Variants in CCDC148 observed in about 807,000 individuals in gnomAD.
The protein encoded by CCDC148 is coiled-coil domain-containing protein 148.
CCDC148 carries 89 observed loss-of-function variants against 85.7 expected under a neutral mutation model. That is an observed-to-expected ratio of 1.04 (90% CI 0.87 to 1.24). The LOEUF (loss-of-function observed/expected upper bound fraction) is 1.24. Among genes scored for constraint, CCDC148 ranks in the 50% most tolerant of loss-of-function variants. The probability of loss-of-function intolerance (pLI) is 0.00; values close to 1 mark genes in which losing one functional copy is unlikely to be tolerated. For synonymous variants in CCDC148, 230 were observed against 213.9 expected, an observed-to-expected ratio of 1.08 and a Z score of -0.66; for missense variants, 692 against 671.7, an observed-to-expected ratio of 1.03 and a Z score of -0.33.
At chr2:158,434,166 GCCT>G (rs1322505421) in intron 1 of CCDC148, among the ~76,000 whole-genome samples, 1 of 152,216 alleles carries the variant, frequency 6.6e-6, no homozygotes, top group Non-Finnish European at 1.5e-5. Context: ...CAGACAGACT[GCCT>G]CCTCAAGTGG....
intron 1 of CCDC148, among the ~76,000 whole-genome samples, chr2:158,411,738 T>C (rs1686268354): frequency 6.6e-6 from 1 of 152,196 alleles, no homozygotes; most frequent in Non-Finnish European, 1.5e-5. Context: ...GATGGTATCA[T>C]GTTTCCTTGA....
chr2:158,207,865 T>C (rs1005622230), intron 11 of CCDC148, among the ~76,000 whole-genome samples: 3 of 152,058 alleles, frequency 2.0e-5, no homozygotes, highest in Non-Finnish European at 4.4e-5. Context: ...TAATTCACAG[T>C]ACAGAAGGGA....
chr2:158,224,440 A>C (rs924533963), intron 10 of CCDC148, among the ~76,000 whole-genome samples: 1 of 152,246 alleles, frequency 6.6e-6, no homozygotes, highest in African/African-American at 2.4e-5. Context: ...GCAGGCCAAC[A>C]TTCAAATTCA....
intron 1 of CCDC148, among the ~76,000 whole-genome samples, chr2:158,376,592 A>G (rs1036653098): frequency 1.4e-4 from 22 of 152,096 alleles, no homozygotes; most frequent in Admixed American, 8.5e-4. Context: ...ATTTTGTATT[A>G]TTGCCAGTTA....
At chr2:158,433,089 A>ATAT (rs57003336) in intron 1 of CCDC148, among the ~76,000 whole-genome samples, 1,118 of 64,882 alleles carry the variant, frequency 0.017, 6 homozygotes, top group Middle Eastern at 0.037. Context: ...AAAAAAAAAA[A>ATAT]AAATATATAT....
chr2:158,205,025 T>C (rs1409187818), intron 11 of CCDC148, among the ~76,000 whole-genome samples: 5 of 152,018 alleles, frequency 3.3e-5, no homozygotes, highest in Non-Finnish European at 7.4e-5. Flanking sequence ...ATGGGCAACA[T>C]TAAGGCATCT....
chr2:158,370,354 T>C (rs1035278507), intron 1 of CCDC148, among the ~76,000 whole-genome samples: 3 of 152,240 alleles, frequency 2.0e-5, no homozygotes, highest in African/African-American at 4.8e-5. Flanking sequence ...TATCAAATTA[T>C]TGTAAAAAAT....
intron 11 of CCDC148, among the ~76,000 whole-genome samples, chr2:158,209,109 A>AAATAAAC (rs1686417301): frequency 1.4e-5 from 2 of 147,920 alleles, no homozygotes; most frequent in African/African-American, 5.0e-5. Context: ...TATATATATA[A>AAATAAAC]ATAAACATAA....
At chr2:158,436,131 T>C (rs1476276833) in intron 1 of CCDC148, among the ~76,000 whole-genome samples, 1 of 152,196 alleles carries the variant, frequency 6.6e-6, no homozygotes, top group Non-Finnish European at 1.5e-5. Context: ...GCAGACATAA[T>C]AGACATCCAC....
intron 1 of CCDC148, among the ~76,000 whole-genome samples, chr2:158,399,844 T>C (rs1685696596): frequency 6.6e-6 from 1 of 151,930 alleles, no homozygotes; most frequent in Admixed American, 6.6e-5. Context: ...TGTCTCTGTT[T>C]GCAGATGACA....
intron 9 of CCDC148, among the ~76,000 whole-genome samples, chr2:158,283,836 T>C (rs913898460): frequency 6.6e-6 from 1 of 152,042 alleles, no homozygotes; most frequent in African/African-American, 2.4e-5. Context: ...TGTATGTTTA[T>C]TGTGGCACTA....
At chr2:158,357,260 A>G (rs1015899664) in intron 2 of CCDC148, among the ~76,000 whole-genome samples, 6 of 151,928 alleles carry the variant, frequency 3.9e-5, no homozygotes, top group Admixed American at 3.9e-4. Flanking sequence ...ACAAAAAAAA[A>G]TAACATAGCC....
intron 10 of CCDC148, among the ~76,000 whole-genome samples, chr2:158,231,275 T>C (rs6755411): frequency 0.063 from 9,529 of 152,212 alleles, 304 homozygotes; most frequent in East Asian, 0.099. Flanking sequence ...TGACTTAATT[T>C]CCCTCTTCCA....
chr2:158,362,915 G>T (rs1026507524), intron 1 of CCDC148, among the ~76,000 whole-genome samples: 2 of 151,952 alleles, frequency 1.3e-5, no homozygotes, highest in African/African-American at 2.4e-5. Flanking sequence ...AAAATAGACT[G>T]CTAGCCAGAC....
At chr2:158,406,133 C>T (rs1017844222) in intron 1 of CCDC148, among the ~76,000 whole-genome samples, 1 of 152,076 alleles carries the variant, frequency 6.6e-6, no homozygotes, top group African/African-American at 2.4e-5. Flanking sequence ...CTGTAACCTT[C>T]CTACCCAGAT....
intron 1 of CCDC148, among the ~76,000 whole-genome samples, chr2:158,372,108 A>G (rs7564846): frequency 0.18 from 27,782 of 151,962 alleles, 4,266 homozygotes; most frequent in African/African-American, 0.42. Flanking sequence ...CAGAGAGTGA[A>G]GGTAACTGCA....
chr2:158,193,105 T>G (rs1260220166), intron 11 of CCDC148, among the ~76,000 whole-genome samples: 1 of 152,118 alleles, frequency 6.6e-6, no homozygotes, highest in Non-Finnish European at 1.5e-5. Flanking sequence ...AATATACATC[T>G]TTCTGATATC....
intron 11 of CCDC148, among the ~76,000 whole-genome samples, chr2:158,185,857 G>T (rs919901581): frequency 6.6e-6 from 1 of 151,876 alleles, no homozygotes; most frequent in African/African-American, 2.4e-5. Context: ...ATTGTTTATA[G>T]AGAATTTAAA....
chr2:158,342,776 A>G (rs1392150635), intron 3 of CCDC148, among the ~76,000 whole-genome samples: 3 of 152,186 alleles, frequency 2.0e-5, no homozygotes, highest in Admixed American at 2.0e-4. Context: ...TCATCTGGGC[A>G]AACGAGCACA....
Sources: gnomAD v4.1 joint callset for allele counts (sites outside exome capture counted in the v4.1 genomes callset) on GRCh38, gnomAD v4.1.1 for gene constraint, MANE v1.5 for transcripts, NCBI Gene and HGNC (gene_info 2026-07-23, HGNC 2026-07-21) for gene names.